The following WWOX variants were observed in gnomAD, a reference collection of about 807,000 sequenced individuals.
The protein encoded by WWOX is WW domain containing oxidoreductase.
In WWOX, 69 loss-of-function variants were observed where a neutral mutation model predicts 46.2. The observed-to-expected ratio is 1.49, with a 90% CI of 1.23 to 1.82. The LOEUF is 1.82. Ranked by LOEUF, WWOX falls within the 40% of genes most tolerant of loss-of-function variation. The pLI is 0.00. For missense variants in WWOX, 919 were observed against 542.6 expected (o/e 1.69, Z -6.89); for synonymous variants, 359 against 202.6 (o/e 1.77, Z -6.56).
intron 8 of WWOX, among the ~76,000 whole-genome samples, chr16:79,018,862 A>G (rs1250197043): frequency 6.6e-6 from 1 of 152,092 alleles, no homozygotes; most frequent in Non-Finnish European, 1.5e-5. Flanking sequence ...TACAAATTGA[A>G]TGTTAGGGCT....
At chr16:78,959,621 A>G (rs542723639) in intron 8 of WWOX, among the ~76,000 whole-genome samples, 21 of 152,240 alleles carry the variant, frequency 1.4e-4, no homozygotes, top group African/African-American at 4.8e-4. Context: ...TGTGATAGGA[A>G]GGCCAGTGTC....
chr16:79,055,642 G>T lies in WWOX; in HGVS notation c.1057-155966G>T, dbSNP rs564127138. ...AATAAACAATTGCTATTTTTTAAAG[G>T]TGTATGTTTGGGGTTGTTTCCTACA... On this transcript the variant is annotated intron_variant, in intron 8 of 8. Transcript: ENST00000566780. 1.2e-3 allele frequency among the ~76,000 whole-genome samples: 184 copies of T among 152,290 alleles called. 2 individuals are homozygous for T. Among genetic ancestry groups the T allele is most frequent in the Non-Finnish European group, 1.9e-3 (129 of 68,024 alleles).
chr16:78,216,227 A>T (rs1008866212), intron 5 of WWOX, among the ~76,000 whole-genome samples: 1 of 152,238 alleles, frequency 6.6e-6, no homozygotes, highest in Non-Finnish European at 1.5e-5. Flanking sequence ...AATAATGATA[A>T]TAGATACAAT....
At chr16:78,492,716 C>A (rs79738598) in intron 8 of WWOX, among the ~76,000 whole-genome samples, 1 of 152,158 alleles carries the variant, frequency 6.6e-6, no homozygotes, top group African/African-American at 2.4e-5. Flanking sequence ...CAATGACTTT[C>A]AAAGTTATGA....
chr16:78,441,504 G>A (rs575128809), intron 8 of WWOX, among the ~76,000 whole-genome samples: 73 of 152,232 alleles, frequency 4.8e-4, no homozygotes, highest in South Asian at 1.0e-3. Context: ...GGTCCCCCAG[G>A]CTCATGGTCA....
chr16:79,143,903 G>T (rs2050136692), intron 8 of WWOX, among the ~76,000 whole-genome samples: 1 of 152,044 alleles, frequency 6.6e-6, no homozygotes, highest in South Asian at 2.1e-4. Context: ...AAAATAAGAT[G>T]AGCTTAATTT....
intron 8 of WWOX, among the ~76,000 whole-genome samples, chr16:78,651,658 C>T (rs1378647984): frequency 2.0e-5 from 3 of 152,214 alleles, no homozygotes; most frequent in Non-Finnish European, 2.9e-5. Context: ...AGGCCATGAC[C>T]ACTGCCTCCC....
intron 8 of WWOX, among the ~76,000 whole-genome samples, chr16:78,581,832 A>G (rs767514566): frequency 8.5e-5 from 13 of 152,322 alleles, no homozygotes; most frequent in African/African-American, 3.1e-4. Flanking sequence ...TTGATTTCAT[A>G]TCCTTTTATT....
At chr16:78,981,330 G>C (rs570965676) in intron 8 of WWOX, among the ~76,000 whole-genome samples, 12 of 152,266 alleles carry the variant, frequency 7.9e-5, no homozygotes, top group East Asian at 1.9e-4. Flanking sequence ...TGGGTGGGGG[G>C]GGAAAACGCC....
intron 5 of WWOX, among the ~76,000 whole-genome samples, chr16:78,356,621 G>T (rs62033395): frequency 0.063 from 9,569 of 152,270 alleles, 356 homozygotes; most frequent in Middle Eastern, 0.12. Context: ...GGTGGCTCAC[G>T]CCTGTAATCC....
chr16:78,383,065 T>C (rs1262271800), intron 5 of WWOX, among the ~76,000 whole-genome samples: 1 of 150,562 alleles, frequency 6.6e-6, no homozygotes, highest in African/African-American at 2.4e-5. Context: ...TTAGGCATAC[T>C]GGATCACGAG....
intron 8 of WWOX, among the ~76,000 whole-genome samples, chr16:78,844,256 C>G (rs886270057): frequency 2.0e-5 from 3 of 152,160 alleles, no homozygotes; most frequent in Non-Finnish European, 4.4e-5. Context: ...CCTCTAAACC[C>G]AGAACCATAA....
chr16:78,681,421 G>A (rs118036838), intron 8 of WWOX, among the ~76,000 whole-genome samples: 8 of 151,796 alleles, frequency 5.3e-5, no homozygotes, highest in Admixed American at 2.6e-4. Context: ...CAAAACAAAG[G>A]TCAATTTTTT....
intron 1 of WWOX, among the ~76,000 whole-genome samples, chr16:78,101,535 G>A (rs2031790526): frequency 6.6e-6 from 1 of 151,764 alleles, no homozygotes; most frequent in South Asian, 2.1e-4. Context: ...TGGCCCGGCT[G>A]GTCTCCAACT....
intron 8 of WWOX, among the ~76,000 whole-genome samples, chr16:78,487,116 G>A (rs1697505601): frequency 6.6e-6 from 1 of 152,154 alleles, no homozygotes; most frequent in African/African-American, 2.4e-5. Flanking sequence ...ATAACGAGAT[G>A]ATTCTATAAC....
chr16:78,379,237 T>A (rs1201659902), intron 5 of WWOX, among the ~76,000 whole-genome samples: 1 of 152,228 alleles, frequency 6.6e-6, no homozygotes, highest in Non-Finnish European at 1.5e-5. Context: ...GAAATAAGTT[T>A]TTCCGTATGT....
chr16:78,592,022 G>C (rs1371620491), intron 8 of WWOX, among the ~76,000 whole-genome samples: 1 of 152,140 alleles, frequency 6.6e-6, no homozygotes, highest in African/African-American at 2.4e-5. Flanking sequence ...CTCAAGGTAA[G>C]CATCGATTTT....
intron 8 of WWOX, among the ~76,000 whole-genome samples, chr16:78,957,873 C>T (rs949158131): frequency 1.3e-5 from 2 of 152,168 alleles, no homozygotes; most frequent in East Asian, 1.9e-4. Context: ...AGAGGCTGGG[C>T]GTGGGGGGAC....
At chr16:79,000,299 G>A (rs532892395) in intron 8 of WWOX, among the ~76,000 whole-genome samples, 15 of 152,268 alleles carry the variant, frequency 9.9e-5, no homozygotes, top group African/African-American at 3.6e-4. Flanking sequence ...AATGAGCCCC[G>A]AAGATGTCCA....
Sources: allele counts gnomAD v4.1 joint callset (sites outside exome capture counted in the v4.1 genomes callset), GRCh38; gene constraint gnomAD v4.1.1; transcripts MANE v1.5; gene names NCBI Gene and HGNC (gene_info 2026-07-23, HGNC 2026-07-21).